The following UGT1A3 variants were observed in gnomAD, a reference collection of about 807,000 sequenced individuals.
UGT1A3 encodes UDP-glucuronosyltransferase 1A3.
In UGT1A3, 31 loss-of-function variants were observed where a neutral mutation model predicts 41.0. That is an observed-to-expected ratio of 0.76 (90% CI 0.57 to 1.02). The LOEUF is 1.02. UGT1A3 is among the 50% of genes least tolerant of loss of function. The pLI, the probability that UGT1A3 is intolerant of heterozygous loss-of-function variation, is 0.00. For missense variants in UGT1A3, 737 were observed against 671.0 expected, an observed-to-expected ratio of 1.10 and a Z score of -1.09; for synonymous variants, 262 against 257.6, an observed-to-expected ratio of 1.02 and a Z score of -0.17.
intron 1 of UGT1A3, chr2:233,741,960 TTG>T: frequency 6.6e-6 from 1 of 151,970 alleles, no homozygotes; most frequent in East Asian, 1.9e-4. Context: ...TACTTTCTTG[TTG>T]TGTTTATGGT....
chr2:233,747,052 G>A (rs1432721744), intron 1 of UGT1A3, among the ~76,000 whole-genome samples: 1 of 151,950 alleles, frequency 6.6e-6, no homozygotes, highest in African/African-American at 2.4e-5. Flanking sequence ...GAAAGACAAT[G>A]ATTGGTTAAT....
At chr2:233,753,689 A>C (rs1483181557) in intron 1 of UGT1A3, 1 of 152,256 alleles carries the variant, frequency 6.6e-6, no homozygotes, top group African/African-American at 2.4e-5. Flanking sequence ...AAACAATATT[A>C]CAGATGCACT....
intron 1 of UGT1A3, among the ~76,000 whole-genome samples, chr2:233,746,480 C>A (rs1693404181): frequency 1.3e-5 from 2 of 151,692 alleles, no homozygotes; most frequent in Admixed American, 6.5e-5. Context: ...AAACACTTTC[C>A]ATGGACATGT....
At chr2:233,730,371 T>C (rs1375924319) in intron 1 of UGT1A3, among the ~76,000 whole-genome samples, 1 of 152,196 alleles carries the variant, frequency 6.6e-6, no homozygotes, top group Non-Finnish European at 1.5e-5. Flanking sequence ...AGCATGATTT[T>C]CAGGGGAAAG....
At chr2:233,741,279 G>A (rs1389443810) in intron 1 of UGT1A3, among the ~76,000 whole-genome samples, 1 of 151,738 alleles carries the variant, frequency 6.6e-6, no homozygotes, top group Non-Finnish European at 1.5e-5. Flanking sequence ...TGAACAATGG[G>A]ATTTATGTAC....
rs183860423 is a variant in UGT1A3 at position 233,740,220 on chromosome 2, G to A, written c.867+10227G>A. On this transcript the variant is annotated intron_variant, in intron 1 of 4. Transcript: ENST00000482026. ...TTATAAATTACCCAGTCTCAGCTGC[G>A]TCTTTATAGCAGGCTGAGAATAGAC... 6.2e-3 allele frequency among the ~76,000 whole-genome samples: 938 copies of A among 151,912 alleles called. 14 individuals are homozygous for A. The highest frequency in any genetic ancestry group is 5.9e-3 in the Non-Finnish European group (404 of 68,030).
chr2:233,759,106 A>G (rs1201357273), intron 1 of UGT1A3, among the ~76,000 whole-genome samples: 1 of 152,224 alleles, frequency 6.6e-6, no homozygotes, highest in Non-Finnish European at 1.5e-5. Flanking sequence ...ACAGTTTGCA[A>G]ACCAGGGAGT....
chr2:233,748,539 G>A (rs1278710171), intron 1 of UGT1A3, among the ~76,000 whole-genome samples: 3 of 151,838 alleles, frequency 2.0e-5, no homozygotes, highest in Non-Finnish European at 2.9e-5. Context: ...GGTGACCACA[G>A]GAGACCTAAG....
intron 1 of UGT1A3, chr2:233,760,655 T>C (rs1293428675): frequency 1.9e-6 from 3 of 1,614,216 alleles, no homozygotes; most frequent in South Asian, 2.2e-5. Flanking sequence ...TCTGCTATGC[T>C]TTTGTCTGGC....
intron 1 of UGT1A3, among the ~76,000 whole-genome samples, chr2:233,762,146 C>G (rs541150164): frequency 2.2e-4 from 33 of 152,272 alleles, no homozygotes; most frequent in Admixed American, 4.6e-4. Context: ...TGTGACTTTG[C>G]ATTAATCACA....
intron 1 of UGT1A3, among the ~76,000 whole-genome samples, chr2:233,766,588 C>T (rs1357032158): frequency 3.3e-5 from 5 of 152,174 alleles, no homozygotes; most frequent in Non-Finnish European, 5.9e-5. Flanking sequence ...GGGTGGAGCC[C>T]TCGCCAGGGA....
chr2:233,754,416 A>G, intron 1 of UGT1A3: 1 of 342,596 alleles, frequency 2.9e-6, no homozygotes, highest in South Asian at 2.4e-5. Flanking sequence ...AACAATAAAG[A>G]CAGGCATTGG....
At chr2:233,750,156 T>C (rs953586925) in intron 1 of UGT1A3, among the ~76,000 whole-genome samples, 2 of 151,902 alleles carry the variant, frequency 1.3e-5, no homozygotes, top group Non-Finnish European at 2.9e-5. Flanking sequence ...ACTTGTTGAA[T>C]GGTTTTGACC....
At chr2:233,758,140 G>C (rs572849917) in intron 1 of UGT1A3, among the ~76,000 whole-genome samples, 1 of 152,156 alleles carries the variant, frequency 6.6e-6, no homozygotes, top group African/African-American at 2.4e-5. Context: ...GGCAGATGAG[G>C]GAATTAGCAA....
At chr2:233,758,319 G>T (rs1559404648) in intron 1 of UGT1A3, among the ~76,000 whole-genome samples, 1 of 152,200 alleles carries the variant, frequency 6.6e-6, no homozygotes, top group South Asian at 2.1e-4. Flanking sequence ...AGCAGAAGCA[G>T]CCTCAAAAAG....
chr2:233,735,645 G>C (rs1395226137), intron 1 of UGT1A3, among the ~76,000 whole-genome samples: 1 of 152,164 alleles, frequency 6.6e-6, no homozygotes, highest in Admixed American at 6.5e-5. Flanking sequence ...GCAGTGGCTG[G>C]TACTGGTGTT....
Position 233,729,076 on chromosome 2 carries a change from T to C in UGT1A3, c.-51T>C, listed in dbSNP as rs907733585. 3 of 1,612,000 alleles carry C rather than the reference T, an allele frequency of 1.9e-6. No individual in the cohort carries two copies. The highest frequency in any genetic ancestry group is 2.5e-6 in the Non-Finnish European group (3 of 1,179,706). ...GTAATTAAGATGAAGAAAGCAAATG[T>C]AGCAGGCACAGCGTGGGGTGGACAG... is the stretch of plus-strand genomic sequence containing the variant. On this transcript the variant is annotated 5_prime_UTR_variant, in exon 1 of 5. The change abolishes the stop of an existing upstream ORF in the 5' untranslated region. Transcript: ENST00000482026.
In UGT1A3 at chr2:233,767,881, G is replaced by A. The variant is rs1468683280; in HGVS notation, c.1032G>A (p.Ser344=). The A allele has an allele frequency of 1.1e-5, 17 of 1,613,962 alleles. No individual in the cohort carries two copies. The highest frequency in any genetic ancestry group is 1.2e-5 in the Non-Finnish European group (14 of 1,180,050). ...VLWRYTGTRP[S]NLANNTILVK... is the part of the protein sequence containing the mutation. ...GGCGGTACACTGGAACCCGACCATC[G>A]AATCTTGCGAACAACACGATACTTG... The change falls in exon 3 of 5, where the codon TCG becomes TCA. Residue 344 remains serine, a synonymous_variant. Transcript: ENST00000482026.
intron 1 of UGT1A3, among the ~76,000 whole-genome samples, chr2:233,732,958 C>G (rs75520741): frequency 0.048 from 7,267 of 152,142 alleles, 252 homozygotes; most frequent in East Asian, 0.16. Flanking sequence ...AATGTTCTTC[C>G]ATTTGTTTGT....
Sources: gnomAD v4.1 joint callset for allele counts (sites outside exome capture counted in the v4.1 genomes callset) on GRCh38, gnomAD v4.1.1 for gene constraint, MANE v1.5 for transcripts, NCBI Gene and HGNC (gene_info 2026-07-23, HGNC 2026-07-21) for gene names.